The following MAP3K15 variants were observed in gnomAD, a reference collection of about 807,000 sequenced individuals.
MAP3K15 encodes the protein MAPK/ERK kinase kinase 15.
In MAP3K15, 124 loss-of-function variants were observed where a neutral mutation model predicts 99.5. The ratio of observed to expected loss-of-function variants is 1.25; its 90% CI spans 1.08 to 1.45. The LOEUF (loss-of-function observed/expected upper bound fraction) is 1.45. MAP3K15 is among the 40% of genes most tolerant of loss of function. The pLI, the probability that MAP3K15 is intolerant of heterozygous loss-of-function variation, is 0.00. For missense variants in MAP3K15, 1,242 were observed against 1,079.7 expected, an observed-to-expected ratio of 1.15 and a Z score of -2.11; for synonymous variants, 494 against 439.6, an observed-to-expected ratio of 1.12 and a Z score of -1.55.
intron 24 of MAP3K15, among the ~76,000 whole-genome samples, chrX:19,370,619 A>T (rs910356636): frequency 2.9e-5 from 3 of 104,170 alleles, no homozygotes; most frequent in African/African-American, 1.1e-4. Flanking sequence ...CTGGTCTTGA[A>T]CTCCTGACCT....
chrX:19,504,373 G>C (rs7050945), intron 1 of MAP3K15, among the ~76,000 whole-genome samples: 24,826 of 109,630 alleles, frequency 0.23, 2,667 homozygotes, highest in African/African-American at 0.41. Context: ...TGCTGCTGCT[G>C]CTCACATCGC....
At chrX:19,514,787 G>T (rs2064548687) in intron 1 of MAP3K15, 114 bp downstream of exon 1, 1 of 134,863 alleles carries the variant, frequency 7.4e-6, no homozygotes, top group Non-Finnish European at 1.2e-5. Flanking sequence ...AGGGGGAGGG[G>T]AGGGGGACGA....
chrX:19,426,827 A>AAAAAAC (rs1240590289), intron 7 of MAP3K15, among the ~76,000 whole-genome samples: 3 of 102,314 alleles, frequency 2.9e-5, no homozygotes, highest in African/African-American at 1.2e-4. Flanking sequence ...CCAAAAAAAA[A>AAAAAAC]AAAAAAAAAA....
chrX:19,508,047 T>C (rs1416521612), intron 1 of MAP3K15, among the ~76,000 whole-genome samples: 1 of 111,054 alleles, frequency 9.0e-6, no homozygotes, highest in Non-Finnish European at 1.9e-5. Flanking sequence ...TTTGTATTTT[T>C]AGTAGAGACA....
chrX:19,422,789 C>A (rs2063797704), intron 9 of MAP3K15, among the ~76,000 whole-genome samples: 1 of 111,651 alleles, frequency 9.0e-6, no homozygotes, highest in Non-Finnish European at 1.9e-5. Context: ...AAATGTCCAA[C>A]AACGATAGAC....
At chrX:19,492,573 C>T (rs918060101) in intron 1 of MAP3K15, among the ~76,000 whole-genome samples, 5 of 111,722 alleles carry the variant, frequency 4.5e-5, no homozygotes, top group Non-Finnish European at 9.4e-5. Flanking sequence ...TCCCCAAAGA[C>T]ATTTGCTTAG....
At chrX:19,408,763 G>A (rs1029399613) in intron 12 of MAP3K15, 1 of 114,003 alleles carries the variant, frequency 8.8e-6, no homozygotes, top group Non-Finnish European at 1.9e-5. Flanking sequence ...GAGCTGTAGA[G>A]TCAGGTACAC....
At chrX:19,498,637 G>A (rs754505744) in intron 1 of MAP3K15, among the ~76,000 whole-genome samples, 1 of 111,981 alleles carries the variant, frequency 8.9e-6, no homozygotes, top group Non-Finnish European at 1.9e-5. Context: ...TGCACTTCCT[G>A]TACTTTCCTG....
At chrX:19,422,300 C>G (rs1169043659) in intron 9 of MAP3K15, among the ~76,000 whole-genome samples, 1 of 111,513 alleles carries the variant, frequency 9.0e-6, no homozygotes, top group Non-Finnish European at 1.9e-5. Context: ...TGGCTAATAT[C>G]CAGAATCTAC....
In MAP3K15 at chrX:19,428,117, C is replaced by A. The variant is rs755192825; in HGVS notation, c.1167-1774G>T. Among the ~76,000 whole-genome samples, 7 of 111,652 alleles carry A rather than the reference C, an allele frequency of 6.3e-5. No individual in the cohort carries two copies. The South Asian group carries it at 2.7e-3, about 43-fold the overall frequency. On this transcript the variant is annotated intron_variant, in intron 7 of 28. Coordinates refer to ENST00000338883, the MANE Select transcript of MAP3K15 (RefSeq NM_001001671.4). ...CCATAGTTCCAGATTCACCACTAACCAGCCCTGTGGTCTTGGACCAGCTCC... is the reference window on the plus strand; with the variant it reads ...CCATAGTTCCAGATTCACCACTAACAAGCCCTGTGGTCTTGGACCAGCTCC...
At chrX:19,362,995 G>A in intron 25 of MAP3K15, 145 bp from the exon 26 acceptor site, 1 of 377,342 alleles carries the variant, frequency 2.7e-6, no homozygotes, top group Non-Finnish European at 4.6e-6. Context: ...AGAGAGGGAA[G>A]CACATGTGTT....
At chrX:19,502,968 C>T (rs1189587458) in intron 1 of MAP3K15, among the ~76,000 whole-genome samples, 3 of 111,712 alleles carry the variant, frequency 2.7e-5, no homozygotes, top group Non-Finnish European at 3.8e-5. Flanking sequence ...GCAGCAAGAC[C>T]GGCCCAACTT....
rs769205663 is a variant in MAP3K15 at position 19,442,694 on chromosome X, T to TTTA, written c.996-11089_996-11087dup. Among the ~76,000 whole-genome samples, 178 of 101,273 alleles carry TTTA rather than the reference T, an allele frequency of 1.8e-3. 1 individual carries two copies. The highest frequency in any genetic ancestry group is 0.012 in the South Asian group (27 of 2,210). 87.9% of individuals were successfully genotyped at this position (101,273 alleles called of 115,157 possible). A position where few individuals can be genotyped will look rare whatever the true frequency, so the allele number is the denominator to read the frequency against. ...ATGTATTACCATGCCTGGCTTTTATTTTATTATTATTATTATTATTATCAT... is the reference window on the plus strand; with the variant it reads ...ATGTATTACCATGCCTGGCTTTTATTTTATTATTATTATTATTATTATTATCAT... On this transcript the variant is annotated intron_variant, in intron 6 of 28. Transcript: ENST00000338883.
intron 4 of MAP3K15, among the ~76,000 whole-genome samples, chrX:19,461,123 G>A (rs2064130453): frequency 8.9e-6 from 1 of 112,268 alleles, no homozygotes; most frequent in African/African-American, 3.2e-5. Flanking sequence ...GGGACCATAG[G>A]CGCCCGCCAC....
intron 9 of MAP3K15, among the ~76,000 whole-genome samples, chrX:19,420,940 T>TCTGC (rs2063778988): frequency 9.0e-6 from 1 of 111,628 alleles, no homozygotes; most frequent in South Asian, 3.7e-4. Context: ...ACCACATGAT[T>TCTGC]ATCTCAATAG....
chrX:19,482,737 A>G (rs754112491), intron 3 of MAP3K15, among the ~76,000 whole-genome samples: 3 of 112,129 alleles, frequency 2.7e-5, no homozygotes, highest in Non-Finnish European at 5.6e-5. Context: ...TAAACTAGGT[A>G]CATTTTGTGG....
At position 19,373,573 on chromosome X, in the gene MAP3K15, T is replaced by G; in HGVS notation, c.2896A>C (p.Thr966Pro). The change falls in exon 21 of 29, where the codon ACC becomes CCC. Residue 966 changes from threonine (T) to proline (P), a missense_variant. Thr to Pro is a conservative substitution (Grantham distance 38). Transcript: ENST00000338883. ...DAQPDALFER[T>P]RAPRHHLGHL... ...CCAAGGTGGTGCCTGGGCGCCCGGGTCCTCTCAAAGAGTGCGTCAGGCTGG... is the reference window on the plus strand; with the variant it reads ...CCAAGGTGGTGCCTGGGCGCCCGGGGCCTCTCAAAGAGTGCGTCAGGCTGG... 8.5e-7 allele frequency: 1 copy of G among 1,176,613 alleles called. No individual in the cohort carries two copies. The highest frequency in any genetic ancestry group is 1.1e-6 in the Non-Finnish European group (1 of 877,958).
chrX:19,472,289 A>G (rs773253412), intron 3 of MAP3K15, among the ~76,000 whole-genome samples: 9 of 109,620 alleles, frequency 8.2e-5, no homozygotes, highest in Non-Finnish European at 1.7e-4. Flanking sequence ...CTTCAGGCTG[A>G]AAGCAAATGA....
At chrX:19,411,659 C>G (rs2063689212) in intron 11 of MAP3K15, among the ~76,000 whole-genome samples, 1 of 108,288 alleles carries the variant, frequency 9.2e-6, no homozygotes, top group African/African-American at 3.4e-5. Context: ...CTGATGACTT[C>G]TGAACAGAAA....
Sources: allele counts gnomAD v4.1 joint callset (sites outside exome capture counted in the v4.1 genomes callset), GRCh38; gene constraint gnomAD v4.1.1; transcripts MANE v1.5; gene names NCBI Gene and HGNC (gene_info 2026-07-23, HGNC 2026-07-21).